Variants in MACF1 observed in about 807,000 individuals in gnomAD.
MACF1 encodes microtubule-actin cross-linking factor 1.
In MACF1, 193 loss-of-function variants were observed where a neutral mutation model predicts 854.8. The ratio of observed to expected loss-of-function variants is 0.23; its 90% CI spans 0.20 to 0.25. The LOEUF is 0.25. Ranked by LOEUF, MACF1 falls within the 10% of genes least tolerant of loss-of-function variation. MACF1 has a pLI of 1.00. For missense variants in MACF1, 7,722 were observed against 8,929.1 expected, an observed-to-expected ratio of 0.86 and a Z score of 5.45; for synonymous variants, 3,185 against 3,226.7, an observed-to-expected ratio of 0.99 and a Z score of 0.44.
chr1:39,374,947 A>G (rs969218659), intron 52 of MACF1, among the ~76,000 whole-genome samples: 13 of 151,916 alleles, frequency 8.6e-5, no homozygotes, highest in Non-Finnish European at 2.9e-5. Flanking sequence ...CGTCTCTACT[A>G]AAAATACAAA....
intron 30 of MACF1, among the ~76,000 whole-genome samples, chr1:39,318,920 G>A (rs1050394848): frequency 2.0e-5 from 3 of 151,396 alleles, no homozygotes; most frequent in African/African-American, 7.3e-5. Context: ...TTAGATATGG[G>A]GTTTTGAAAA....
intron 2 of MACF1, among the ~76,000 whole-genome samples, chr1:39,088,964 G>C (rs1007535035): frequency 4.6e-5 from 7 of 152,210 alleles, no homozygotes; most frequent in African/African-American, 1.7e-4. Context: ...CATCAATCAG[G>C]TATTCATTCA....
intron 2 of MACF1, among the ~76,000 whole-genome samples, chr1:39,090,149 T>C (rs984509394): frequency 6.6e-6 from 1 of 152,218 alleles, no homozygotes; most frequent in African/African-American, 2.4e-5. Flanking sequence ...AATGGAACCC[T>C]AAAGACAATC....
intron 5 of MACF1, among the ~76,000 whole-genome samples, chr1:39,255,909 C>G (rs1053781194): frequency 1.3e-5 from 2 of 151,990 alleles, no homozygotes; most frequent in African/African-American, 2.4e-5. Context: ...CAAAAAGTGG[C>G]TTTGGTTACT....
intron 58 of MACF1, chr1:39,414,023 A>C (rs980912369): frequency 1.2e-6 from 2 of 1,601,890 alleles, no homozygotes; most frequent in Non-Finnish European, 1.7e-6. Context: ...ACCCTAGAGG[A>C]ACCCACCTCC....
In MACF1 at chr1:39,149,557, TAAATA is replaced by T. The variant is rs773319381; in HGVS notation, c.220+65138_220+65142del. ...AAATAAAAATAAAAATAAAAATAAA[TAAATA>T]AAATAAAATAAAATAAAAAATAAAA... On this transcript the variant is annotated intron_variant, in intron 2 of 93. Coordinates refer to the MACF1 transcript ENST00000361689. Among the ~76,000 whole-genome samples, 1,451 of 151,216 alleles carry T rather than the reference TAAATA, an allele frequency of 9.6e-3. 6 individuals carry two copies. Among genetic ancestry groups the T allele is most frequent in the Non-Finnish European group, 0.013 (894 of 67,762 alleles).
At chr1:39,190,410 T>G (rs895982440) in intron 2 of MACF1, among the ~76,000 whole-genome samples, 5 of 141,684 alleles carry the variant, frequency 3.5e-5, no homozygotes, top group Non-Finnish European at 6.2e-5. Context: ...TGTTTTTTTT[T>G]TTTTTTTTTG....
rs527276646 is a variant in MACF1 at position 39,317,558 on chromosome 1, G to A, written c.3782+151G>A. 7 of 885,278 alleles carry A rather than the reference G, an allele frequency of 7.9e-6. No homozygotes were observed. The Admixed American group carries it at 1.5e-4, about 19-fold the overall frequency. 54.8% of individuals were successfully genotyped at this position (885,278 alleles called of 1,614,324 possible). A position where few individuals can be genotyped will look rare whatever the true frequency, so the allele number is the denominator to read the frequency against. The stretch of plus-strand genomic sequence containing the variant: ...AACCACATAAATTCTGGACAAGTAA[G>A]TGACAGAAAGGTGAGACCGGCAATC... On this transcript the variant is annotated intron_variant, in intron 29 of 100. Coordinates refer to ENST00000564288, the MANE Select transcript of MACF1 (RefSeq NM_001394062.1).
At chr1:39,432,937 A>G in intron 67 of MACF1, 111 bp from the exon 68 acceptor site, 2 of 694,186 alleles carry the variant, frequency 2.9e-6, no homozygotes, top group South Asian at 2.3e-5. Context: ...CAAAGTGTCA[A>G]ACTGTATAAG....
intron 51 of MACF1, 22 bp downstream of exon 51, chr1:39,370,208 A>G (rs1649105831): frequency 1.3e-6 from 2 of 1,593,048 alleles, no homozygotes; most frequent in Admixed American, 3.5e-5. Context: ...AAGGGACTCC[A>G]AGAATTGGGC....
rs1557592750 is a variant in MACF1, at chr1:39,332,772, G to A, written c.6184G>A (p.Gly2062Ser). 6.2e-7 allele frequency: 1 copy of A among 1,614,004 alleles called. No homozygotes were observed. The highest frequency in any genetic ancestry group is 8.5e-7 in the Non-Finnish European group (1 of 1,179,990). The change falls in exon 37 of 101, where the codon GGC becomes AGC. Residue 2062 changes from glycine (G) to serine (S), a missense_variant. This residue lies in a region of MACF1 where 1,531 missense variants were observed against 1,601.6 expected (regional missense o/e 0.96). Coordinates refer to ENST00000564288, the MANE Select transcript of MACF1 (RefSeq NM_001394062.1). ...PDREDCTTEK[G>S]KKTTVETEDS... ...TCGGGAAGATTGCACTACAGAAAAA[G>A]GCAAAAAGACCACTGTAGAAACAGA...
At chr1:39,159,934 A>G (rs1053743138) in intron 2 of MACF1, among the ~76,000 whole-genome samples, 6 of 152,126 alleles carry the variant, frequency 3.9e-5, no homozygotes, top group African/African-American at 2.4e-5. Flanking sequence ...CCTTCTTGCC[A>G]GGGTATGTAG....
At chr1:39,378,551 T>C in intron 53 of MACF1, 28 bp downstream of exon 53, 1 of 1,603,654 alleles carries the variant, frequency 6.2e-7, no homozygotes, top group African/African-American at 1.3e-5. Context: ...ACAGTGCTTC[T>C]TTGTTGGATG....
chr1:39,464,581 A>G (rs1221096845), intron 94 of MACF1: 1 of 153,972 alleles, frequency 6.5e-6, no homozygotes, highest in Non-Finnish European at 1.4e-5. Flanking sequence ...AACAAGAACA[A>G]CATAGCATGG....
At chr1:39,293,950 C>T (rs111718951) in intron 18 of MACF1, among the ~76,000 whole-genome samples, 67 of 152,202 alleles carry the variant, frequency 4.4e-4, no homozygotes, top group African/African-American at 1.3e-3. Flanking sequence ...TATTCTTCTA[C>T]TAACTAGCTC....
At chr1:39,451,031 G>A (rs968874067) in intron 84 of MACF1, 21 bp from the exon 85 acceptor site, 5 of 1,606,042 alleles carry the variant, frequency 3.1e-6, no homozygotes, top group Admixed American at 3.4e-5. Context: ...AAAAATGGTA[G>A]CGTTTGTGTG....
chr1:39,461,813 AAAAAAT>A, intron 92 of MACF1, 64 bp from the exon 93 acceptor site: 12 of 1,057,916 alleles, frequency 1.1e-5, no homozygotes, highest in African/African-American at 9.9e-5. Flanking sequence ...AAAAAAAAAA[AAAAAAT>A]CTATAACCGC....
intron 99 of MACF1, 99 bp from the exon 100 acceptor site, chr1:39,484,502 C>A: frequency 1.9e-6 from 2 of 1,039,998 alleles, no homozygotes; most frequent in South Asian, 1.6e-5. Context: ...TGCTTTTCAA[C>A]TAAGCAAATA....
rs376422005 is a variant in MACF1, at chr1:39,333,827, T to C, written c.7239T>C (p.Asp2413=). The C allele has an allele frequency of 1.9e-6, 3 of 1,614,080 alleles. No homozygotes were observed. Among genetic ancestry groups the C allele is most frequent in the African/African-American group, 2.7e-5 (2 of 74,910 alleles). Residue 2413 remains aspartate, a synonymous_variant, in exon 37 of 101, where the codon GAT becomes GAC. Coordinates refer to ENST00000564288, the MANE Select transcript of MACF1 (RefSeq NM_001394062.1). ...AGGTGGTGACTGGTGGAATTATTGA[T>C]CTGAAACGAGGCAAAAAAGTTTCAG... ...ERQVVTGGII[D]LKRGKKVSVT...
Sources: gnomAD v4.1 joint callset for allele counts (sites outside exome capture counted in the v4.1 genomes callset) on GRCh38, gnomAD v4.1.1 for gene constraint, gnomAD v4.1.1 regional missense constraint, MANE v1.5 for transcripts, NCBI Gene and HGNC (gene_info 2026-07-23, HGNC 2026-07-21) for gene names.